COL26A1: variants seen among roughly 807,000 people sequenced by gnomAD.
COL26A1 encodes the protein collagen alpha-1(XXVI) chain.
Under a neutral mutation model 59.3 loss-of-function variants are expected in COL26A1, and 41 were observed. The observed-to-expected ratio is 0.69, with a 90% confidence interval of 0.54 to 0.90. The LOEUF (loss-of-function observed/expected upper bound fraction) is 0.90, where lower values mean the gene tolerates loss of function less well. Ranked by LOEUF, COL26A1 falls within the 40% of genes least tolerant of loss-of-function variation. The probability of loss-of-function intolerance (pLI) is 0.00; values close to 1 mark genes in which losing one functional copy is unlikely to be tolerated. For missense variants in COL26A1, 612 were observed against 602.3 expected, an observed-to-expected ratio of 1.02 and a Z score of -0.17; for synonymous variants, 266 against 256.0, an observed-to-expected ratio of 1.04 and a Z score of -0.37.
At chr7:101,518,963 G>A (rs563664820) in intron 3 of COL26A1, among the ~76,000 whole-genome samples, 10 of 152,246 alleles carry the variant, frequency 6.6e-5, no homozygotes, top group Admixed American at 2.6e-4. Context: ...AAAGAGTCTC[G>A]TCCCTCTATA....
At chr7:101,454,271 T>TC (rs1793414921) in intron 3 of COL26A1, among the ~76,000 whole-genome samples, 3 of 145,240 alleles carry the variant, frequency 2.1e-5, no homozygotes, top group Admixed American at 6.7e-5. Context: ...TTTCTTTCTT[T>TC]TTTTTTTTTT....
chr7:101,553,178 G>A, intron 10 of COL26A1, 148 bp from the exon 11 acceptor site: 1 of 653,568 alleles, frequency 1.5e-6, no homozygotes, highest in Non-Finnish European at 2.7e-6. Flanking sequence ...TCAGCCCAGG[G>A]CAGGAGTCCC....
chr7:101,483,281 T>C (rs1794194252), intron 3 of COL26A1, among the ~76,000 whole-genome samples: 1 of 150,642 alleles, frequency 6.6e-6, no homozygotes, highest in Non-Finnish European at 1.5e-5. Context: ...CACTGCAACC[T>C]CCGCCTCCTG....
chr7:101,451,402 A>C (rs1038014306), intron 3 of COL26A1, among the ~76,000 whole-genome samples: 1 of 147,272 alleles, frequency 6.8e-6, no homozygotes, highest in Non-Finnish European at 1.5e-5. Flanking sequence ...TATAATTTAT[A>C]TTATATATAA....
At chr7:101,398,716 C>T (rs1411967628) in intron 1 of COL26A1, among the ~76,000 whole-genome samples, 3 of 152,178 alleles carry the variant, frequency 2.0e-5, no homozygotes, top group African/African-American at 7.2e-5. Flanking sequence ...AATTCAGTCC[C>T]CTCCCCAGTT....
At chr7:101,492,627 G>A (rs1794486371) in intron 3 of COL26A1, among the ~76,000 whole-genome samples, 1 of 151,652 alleles carries the variant, frequency 6.6e-6, no homozygotes, top group African/African-American at 2.4e-5. Flanking sequence ...AATCCCGGAG[G>A]TGGAGGTTGC....
intron 1 of COL26A1, among the ~76,000 whole-genome samples, chr7:101,406,567 C>T: frequency 6.6e-6 from 1 of 152,194 alleles, no homozygotes; most frequent in Non-Finnish European, 1.5e-5. Context: ...TCCATTTACC[C>T]CCACTGGGCT....
chr7:101,413,302 T>A (rs1472230350), intron 1 of COL26A1, among the ~76,000 whole-genome samples: 2 of 152,162 alleles, frequency 1.3e-5, no homozygotes, highest in Non-Finnish European at 2.9e-5. Context: ...GTAGATCACT[T>A]GAGGTCAGGA....
At chr7:101,525,184 T>C (rs1179337887) in intron 3 of COL26A1, among the ~76,000 whole-genome samples, 1 of 135,704 alleles carries the variant, frequency 7.4e-6, no homozygotes, top group East Asian at 2.1e-4. Context: ...TTTTTTTTTT[T>C]TTTTTTTTTT....
At chr7:101,463,644 A>T (rs117012704) in intron 3 of COL26A1, among the ~76,000 whole-genome samples, 32 of 24,484 alleles carry the variant, frequency 1.3e-3, no homozygotes, top group African/African-American at 4.0e-3. Context: ...CCTTCCTTCC[A>T]TCCTTCCATC....
At chr7:101,375,989 G>GAA (rs35433251) in intron 1 of COL26A1, among the ~76,000 whole-genome samples, 23,383 of 122,386 alleles carry the variant, frequency 0.19, 2,513 homozygotes, top group Non-Finnish European at 0.24. Flanking sequence ...CCATCTCAAA[G>GAA]AAAAAAAAAA....
chr7:101,463,636 T>TTCCATCCTTCCA (rs1323684523), intron 3 of COL26A1, among the ~76,000 whole-genome samples: 67 of 50,486 alleles, frequency 1.3e-3, no homozygotes, highest in African/African-American at 5.1e-3. Context: ...TCTTCCTTCC[T>TTCCATCCTTCCA]TCCTTCCATC....
At chr7:101,522,796 C>A (rs1038077822) in intron 3 of COL26A1, among the ~76,000 whole-genome samples, 1 of 150,700 alleles carries the variant, frequency 6.6e-6, no homozygotes, top group Non-Finnish European at 1.5e-5. Context: ...GTTCCAGTTG[C>A]TCCGCATCCT....
rs1014135920 is a variant in COL26A1, at chr7:101,414,410, C to T, written c.159-5567C>T. 6.0e-5 allele frequency among the ~76,000 whole-genome samples: 9 copies of T among 148,810 alleles called. 1 individual carries two copies. The South Asian group carries it at 1.7e-3, about 29-fold the overall frequency. ...TCTCTCTCTCTCTCTCTCTCTCGCT[C>T]GCTCTCGCTCTCACTCTGTGTTTGT... On this transcript the variant is annotated intron_variant, in intron 1 of 12. Coordinates refer to ENST00000313669, the MANE Select transcript of COL26A1 (RefSeq NM_001278563.3).
intron 1 of COL26A1, among the ~76,000 whole-genome samples, chr7:101,395,460 C>T (rs58933572): frequency 0.019 from 2,921 of 152,258 alleles, 103 homozygotes; most frequent in African/African-American, 0.066. Context: ...AGTAGAAGTG[C>T]CTTAGGCAGG....
At chr7:101,500,987 G>A (rs1794692067) in intron 3 of COL26A1, among the ~76,000 whole-genome samples, 1 of 151,518 alleles carries the variant, frequency 6.6e-6, no homozygotes, top group Non-Finnish European at 1.5e-5. Context: ...TTCAAGACCA[G>A]CCTGGCCAAC....
At chr7:101,373,436 G>A (rs1256614460) in intron 1 of COL26A1, among the ~76,000 whole-genome samples, 1 of 152,204 alleles carries the variant, frequency 6.6e-6, no homozygotes, top group Admixed American at 6.5e-5. Flanking sequence ...TATTTTTCCT[G>A]CATGGAGTTT....
chr7:101,532,869 C>T lies in COL26A1; in HGVS notation c.386-213C>T, dbSNP rs75622700. 8.0e-3 allele frequency among the ~76,000 whole-genome samples: 1,215 copies of T among 152,254 alleles called. 8 individuals are homozygous for T. The highest frequency in any genetic ancestry group is 0.017 in the Middle Eastern group (5 of 294). On this transcript the variant is annotated intron_variant, in intron 3 of 12. Transcript: ENST00000313669. ...AATAAACAGACAGTATAGTGTACTG[C>T]GCGTGCTCAGAAGGGAGGCTCAGTG...
Position 101,551,146 on chromosome 7 carries a change from A to G in COL26A1, c.1029+3A>G, listed in dbSNP as rs1156468480. The stretch of plus-strand genomic sequence containing the variant: ...AGCGAGGCACAGTGGGGCCGTCCGT[A>G]AGTGTGGGCTGTGCAGATGGGCCTG... On this transcript the variant is annotated splice_donor_region_variant and intron_variant, in intron 10 of 12. Coordinates refer to ENST00000313669, the MANE Select transcript of COL26A1 (RefSeq NM_001278563.3). 1.3e-6 allele frequency: 2 copies of G among 1,506,680 alleles called. No homozygotes were observed. Among genetic ancestry groups the G allele is most frequent in the African/African-American group, 1.4e-5 (1 of 71,434 alleles). The allele number at this position is 1,506,680 out of a possible 1,614,324, so 93.3% of individuals were successfully genotyped here.
Sources: allele counts gnomAD v4.1 joint callset (sites outside exome capture counted in the v4.1 genomes callset), GRCh38; gene constraint gnomAD v4.1.1; transcripts MANE v1.5; gene names NCBI Gene and HGNC (gene_info 2026-07-23, HGNC 2026-07-21).